The following ADGRG5 variants were observed in gnomAD, a reference collection of about 807,000 sequenced individuals.
ADGRG5 encodes the protein G protein-coupled receptor 114.
A neutral mutation model predicts 53.2 loss-of-function variants in ADGRG5; 37 were observed. The ratio of observed to expected loss-of-function variants is 0.70; its 90% CI spans 0.53 to 0.91. ADGRG5 has a LOEUF of 0.91. ADGRG5 is among the 40% of genes least tolerant of loss of function. ADGRG5 has a pLI of 0.00. For missense variants in ADGRG5, 614 were observed against 675.8 expected, an observed-to-expected ratio of 0.91 and a Z score of 1.01; for synonymous variants, 277 against 290.4, an observed-to-expected ratio of 0.95 and a Z score of 0.47.
the ADGRG5 span, among the ~76,000 whole-genome samples, chr16:57,533,645 C>T: frequency 6.6e-6 from 1 of 151,702 alleles, no homozygotes; most frequent in African/African-American, 2.4e-5. Flanking sequence ...AACACTCACA[C>T]TCACACATGG....
intron 1 of ADGRG5, among the ~76,000 whole-genome samples, chr16:57,550,969 G>A (rs1294739730): frequency 6.6e-6 from 1 of 152,176 alleles, no homozygotes; most frequent in African/African-American, 2.4e-5. Flanking sequence ...TGGAGGCGGA[G>A]GTTGCAGTGA....
chr16:57,566,655 G>C lies in ADGRG5; in HGVS notation c.603G>C (p.Trp201Cys), dbSNP rs763377066. 1.1e-5 allele frequency: 17 copies of C among 1,590,194 alleles called. No individual in the cohort carries two copies. The highest frequency in any genetic ancestry group is 5.4e-5 in the African/African-American group (4 of 73,866). The change falls in exon 7 of 12, where the codon TGG becomes TGC. Residue 201 changes from tryptophan to cysteine, a missense_variant. Coordinates refer to ENST00000349457, the MANE Select transcript of ADGRG5 (RefSeq NM_001304376.3). ...FWKEGARKQP[W>C]GGWSPEGCRT... ...AGGAGGGAGCCAGGAAACAGCCCTG[G>C]GGGGGCTGGAGCCCTGAGGGCTGTC...
chr16:57,574,970 A>T lies in ADGRG5; in HGVS notation c.1364A>T (p.Asp455Val), dbSNP rs773500113. 6.2e-7 allele frequency: 1 copy of T among 1,613,846 alleles called. No individual in the cohort carries two copies. Among genetic ancestry groups the T allele is most frequent in the African/African-American group, 1.3e-5 (1 of 75,050 alleles). The change falls in exon 11 of 12, where the codon GAC (aspartate) becomes GTC (valine). Residue 455 changes from aspartate (D) to valine (V), a missense_variant. Transcript: ENST00000349457. This position sits in a 1 kb window ranked among gnomAD's most constrained non-coding sequence, Gnocchi z 4.4. ...GCACCAAGTGTCAGGGCCTGCCATGACACTGTCACTGTGCTGGGCCTCACC... is the reference window on the plus strand; with the variant it reads ...GCACCAAGTGTCAGGGCCTGCCATGTCACTGTCACTGTGCTGGGCCTCACC... ...ADAPSVRACH[D>V]TVTVLGLTVL... is the part of the protein sequence containing the mutation.
the ADGRG5 span, among the ~76,000 whole-genome samples, chr16:57,536,228 G>C: frequency 1.4e-5 from 2 of 141,300 alleles, no homozygotes; most frequent in African/African-American, 5.1e-5. Context: ...CGTCCGGCCC[G>C]GGCCGCGGCA....
intron 1 of ADGRG5, among the ~76,000 whole-genome samples, chr16:57,543,713 G>A (rs1225499228): frequency 6.6e-6 from 1 of 152,116 alleles, no homozygotes; most frequent in Non-Finnish European, 1.5e-5. Flanking sequence ...GTAGGCCTTC[G>A]TGCTGCTGGG....
the ADGRG5 span, among the ~76,000 whole-genome samples, chr16:57,535,996 C>A: frequency 3.4e-4 from 51 of 152,216 alleles, no homozygotes; most frequent in Non-Finnish European, 5.7e-4. Context: ...CGAACCGCCC[C>A]GCTCCACCTA....
chr16:57,563,207 G>C lies in ADGRG5; in HGVS notation c.257G>C (p.Gly86Ala). ...TTCAAGCTGAGCTGTGACTTCTCTG[G>C]CCTCTCGCTGACCAGTGCCACTCTG... ...LAFKLSCDFS[G>A]LSLTSATLKR... The change falls in exon 4 of 12, where the codon GGC (glycine) becomes GCC (alanine). Residue 86 changes from glycine to alanine, a missense_variant. Coordinates refer to ENST00000349457, the MANE Select transcript of ADGRG5 (RefSeq NM_001304376.3). The C allele has an allele frequency of 6.2e-7, 1 of 1,614,110 alleles. No homozygotes were observed. Among genetic ancestry groups the C allele is most frequent in the Non-Finnish European group, 8.5e-7 (1 of 1,180,016 alleles).
intron 1 of ADGRG5, among the ~76,000 whole-genome samples, chr16:57,559,157 C>T (rs2032947199): frequency 6.6e-6 from 1 of 152,164 alleles, no homozygotes; most frequent in Admixed American, 6.6e-5. Flanking sequence ...GCACTGATGT[C>T]TTTTGCTTAG....
At chr16:57,530,171 C>T in the ADGRG5 span, among the ~76,000 whole-genome samples, 1 of 152,088 alleles carries the variant, frequency 6.6e-6, no homozygotes, top group Non-Finnish European at 1.5e-5. Flanking sequence ...CCTTCTCTGC[C>T]GGAACCACCC....
Position 57,566,613 on chromosome 16 carries a change from G to T in ADGRG5, c.561G>T (p.Leu187=). The T allele has an allele frequency of 6.4e-7, 1 of 1,556,206 alleles. No individual in the cohort carries two copies. Residue 187 remains leucine, a synonymous_variant, in exon 7 of 12, where the codon CTG becomes CTT. Transcript: ENST00000349457. ...WHNQSLEGYT[L]TCVFWKEGAR... is the part of the protein sequence containing the mutation. ...TCTCCACCCAGGAAGGCTACACCCT[G>T]ACCTGTGTCTTCTGGAAGGAGGGAG...
chr16:57,570,006 CA>C (rs2033301722), intron 9 of ADGRG5, among the ~76,000 whole-genome samples: 1 of 151,798 alleles, frequency 6.6e-6, no homozygotes, highest in Non-Finnish European at 1.5e-5. Flanking sequence ...CCTTCACCAC[CA>C]TCACCACCTA....
Position 57,550,800 on chromosome 16 carries a change from C to T in ADGRG5, c.-39+8099C>T, listed in dbSNP as rs896891338. ...ATCCCAGCACTTTGGGAGGCCGAGG[C>T]GGGCGGATCATGAGGTCAGGAGATC... On this transcript the variant is annotated intron_variant, in intron 1 of 11. Transcript: ENST00000349457. Among the ~76,000 whole-genome samples, 46 of 152,058 alleles carry T rather than the reference C, an allele frequency of 3.0e-4. 1 individual carries two copies. The highest frequency in any genetic ancestry group is 8.9e-4 in the African/African-American group (37 of 41,404).
chr16:57,550,578 A>T (rs1235699163), intron 1 of ADGRG5, among the ~76,000 whole-genome samples: 9 of 152,196 alleles, frequency 5.9e-5, no homozygotes, highest in Admixed American at 1.3e-4. Context: ...AAATCTTTGC[A>T]TAACCTAAGT....
Position 57,562,480 on chromosome 16 carries a change from A to G in ADGRG5, c.140+21A>G, listed in dbSNP as rs1425461597. On this transcript the variant is annotated intron_variant, in intron 3 of 11. Transcript: ENST00000349457. ...TCTCGGTGAGTTGGATGTGCCTCCC[A>G]CCCCAAGCCTGCACCTTGAATCAGT... The G allele has an allele frequency of 3.2e-6, 5 of 1,548,408 alleles. No individual in the cohort carries two copies. In the African/African-American group the frequency reaches 6.8e-5, roughly 21 times the overall value.
the ADGRG5 span, among the ~76,000 whole-genome samples, chr16:57,537,146 T>G: frequency 6.6e-6 from 1 of 152,096 alleles, no homozygotes; most frequent in Non-Finnish European, 1.5e-5. Context: ...TGCATTGCGA[T>G]GGTGGTTGGC....
the ADGRG5 span, among the ~76,000 whole-genome samples, chr16:57,532,698 G>GACACAC: frequency 1.3e-5 from 2 of 148,176 alleles, no homozygotes; most frequent in Non-Finnish European, 3.0e-5. Flanking sequence ...AAGTGAAGCA[G>GACACAC]ACACACACAC....
chr16:57,533,453 C>T, the ADGRG5 span, among the ~76,000 whole-genome samples: 1 of 151,964 alleles, frequency 6.6e-6, no homozygotes, highest in East Asian at 1.9e-4. Flanking sequence ...GACACACACT[C>T]ACATACAGCC....
intron 1 of ADGRG5, among the ~76,000 whole-genome samples, chr16:57,551,250 C>G (rs2107238): frequency 0.34 from 52,179 of 151,956 alleles, 9,080 homozygotes; most frequent in East Asian, 0.46. Context: ...GGGTGGCTGG[C>G]TGTTTCTTAA....
intron 1 of ADGRG5, among the ~76,000 whole-genome samples, chr16:57,558,395 G>A (rs1297946569): frequency 1.3e-5 from 2 of 152,210 alleles, no homozygotes; most frequent in Non-Finnish European, 2.9e-5. Context: ...TTTTCCCAGT[G>A]TCCCCACTCC....
Sources: allele counts gnomAD v4.1 joint callset (sites outside exome capture counted in the v4.1 genomes callset), GRCh38; gene constraint gnomAD v4.1.1; non-coding constraint Gnocchi (gnomAD v3.1); transcripts MANE v1.5; gene names NCBI Gene and HGNC (gene_info 2026-07-23, HGNC 2026-07-21).